Variants in IAH1 observed in about 807,000 individuals in gnomAD.
The protein encoded by IAH1 is isoamyl acetate-hydrolyzing esterase 1 homolog.
Under a neutral mutation model 26.7 loss-of-function variants are expected in IAH1, and 24 were observed. The ratio of observed to expected loss-of-function variants is 0.90; its 90% confidence interval spans 0.65 to 1.26. The LOEUF (loss-of-function observed/expected upper bound fraction) is 1.26. Ranked by LOEUF, IAH1 falls within the 50% of genes most tolerant of loss-of-function variation. The probability of loss-of-function intolerance (pLI) is 0.00; values close to 1 mark genes in which losing one functional copy is unlikely to be tolerated. For missense variants in IAH1, 300 were observed against 299.9 expected, an observed-to-expected ratio of 1.00 and a Z score of 0.00; for synonymous variants, 140 against 118.5, an observed-to-expected ratio of 1.18 and a Z score of -1.18.
chr2:9,494,828 TC>T, exon 6 of IAH1: 1 of 1,588,484 alleles, frequency 6.3e-7, no homozygotes, highest in Non-Finnish European at 8.6e-7. Flanking sequence ...TCCTCCTGCC[TC>T]CTCTTTCCTC....
At chr2:9,502,789 G>A in the IAH1 span, among the ~76,000 whole-genome samples, 2 of 144,860 alleles carry the variant, frequency 1.4e-5, no homozygotes, top group Non-Finnish European at 3.0e-5. Flanking sequence ...TGAGGCAGGA[G>A]AATCGCCTGG....
chr2:9,505,555 G>A, the IAH1 span: 13 of 604,904 alleles, frequency 2.1e-5, no homozygotes, highest in Non-Finnish European at 3.8e-5. Flanking sequence ...TCCCTCCATA[G>A]AATGCTAAAT....
At chr2:9,507,480 C>T in the IAH1 span, among the ~76,000 whole-genome samples, 78,688 of 151,734 alleles carry the variant, frequency 0.52, 21,299 homozygotes, top group Middle Eastern at 0.67. Context: ...CCAGCCTGGG[C>T]GACAGAGTGA....
chr2:9,494,120 A>G (rs1324055839), downstream of IAH1, among the ~76,000 whole-genome samples: 1 of 152,186 alleles, frequency 6.6e-6, no homozygotes, highest in African/African-American at 2.4e-5. Flanking sequence ...CTACACATAC[A>G]CAGTGGACAG....
intron 3 of IAH1, 98 bp from the exon 4 acceptor site, chr2:9,481,187 TG>T: frequency 7.9e-7 from 1 of 1,265,264 alleles, no homozygotes; most frequent in Non-Finnish European, 1.1e-6. Flanking sequence ...ATCCCCCCAG[TG>T]ACATCATGAA....
downstream of IAH1, chr2:9,494,691 C>A (rs530963981): frequency 1.1e-5 from 18 of 1,613,914 alleles, no homozygotes; most frequent in African/African-American, 6.7e-5. Context: ...AAAATAAGTT[C>A]TTTTGTTCAG....
At chr2:9,478,183 C>G (rs1466086563) in intron 2 of IAH1, 39 bp from the exon 3 acceptor site, 1 of 1,571,322 alleles carries the variant, frequency 6.4e-7, no homozygotes, top group Non-Finnish European at 8.7e-7. Context: ...ATAAACACTT[C>G]TTGCCCACAA....
rs540085996 is a variant in IAH1, at chr2:9,494,770, G to A, written c.*132G>A. ...CACCTTGCAGGAGTTGTCAGTTTCT[G>A]GAACAGAGAACACGCATTGACAGCT... On this transcript the variant is annotated 3_prime_UTR_variant, in exon 6 of 7. Transcript: ENST00000481367. The A allele has an allele frequency of 1.1e-5, 18 of 1,613,730 alleles. No homozygotes were observed. The East Asian group carries it at 3.8e-4, about 34-fold the overall frequency.
Position 9,488,920 on chromosome 2 carries a change from T to C in IAH1, c.*591T>C, listed in dbSNP as rs1661827021. 1 of 152,204 alleles carries C rather than the reference T, an allele frequency of 6.6e-6. No individual in the cohort carries two copies. Among genetic ancestry groups the C allele is most frequent in the Non-Finnish European group, 1.5e-5 (1 of 68,028 alleles). The allele number at this position is 152,204 out of a possible 1,614,324, so 9.4% of individuals were successfully genotyped here. A position where few individuals can be genotyped will look rare whatever the true frequency, so the allele number is the denominator to read the frequency against. On this transcript the variant is annotated 3_prime_UTR_variant, in exon 6 of 6. Coordinates refer to ENST00000497473, the MANE Select transcript of IAH1 (RefSeq NM_001039613.3). ...TTCAGTTCTTAGGGGAAAAAAAGCTTTTAATGGCAATTTATAGAAATCAGA... is the reference window on the plus strand; with the variant it reads ...TTCAGTTCTTAGGGGAAAAAAAGCTCTTAATGGCAATTTATAGAAATCAGA...
At chr2:9,502,049 ACT>A in the IAH1 span, 23 of 843,852 alleles carry the variant, frequency 2.7e-5, no homozygotes, top group African/African-American at 3.6e-4. Context: ...AGTGCCAGAA[ACT>A]CAACCCGGCA....
chr2:9,484,844 G>C, intron 5 of IAH1: 1 of 300,454 alleles, frequency 3.3e-6, no homozygotes, highest in Non-Finnish European at 6.1e-6. Context: ...CTTTCATACA[G>C]AGAATGGCAG....
chr2:9,496,860 C>G (rs917014644), downstream of IAH1, among the ~76,000 whole-genome samples: 5 of 152,186 alleles, frequency 3.3e-5, no homozygotes, highest in Non-Finnish European at 5.9e-5. Context: ...TCCCTCCTCT[C>G]CCACCTCAAA....
At chr2:9,511,397 C>T in the IAH1 span, among the ~76,000 whole-genome samples, 12 of 151,964 alleles carry the variant, frequency 7.9e-5, no homozygotes, top group Admixed American at 2.0e-4. Flanking sequence ...TTGCAGTGAG[C>T]TGAGATCATG....
chr2:9,477,325 C>T (rs1220418165), intron 2 of IAH1, among the ~76,000 whole-genome samples: 1 of 151,950 alleles, frequency 6.6e-6, no homozygotes, highest in African/African-American at 2.4e-5. Flanking sequence ...GCAAAATGAA[C>T]CATATTGATT....
intron 4 of IAH1, among the ~76,000 whole-genome samples, chr2:9,482,202 C>A (rs950711753): frequency 6.6e-6 from 1 of 151,830 alleles, no homozygotes; most frequent in Non-Finnish European, 1.5e-5. Flanking sequence ...CTAATTTTTG[C>A]ATTTTTAGTA....
At chr2:9,501,574 C>G in the IAH1 span, among the ~76,000 whole-genome samples, 8 of 152,196 alleles carry the variant, frequency 5.3e-5, no homozygotes, top group Admixed American at 3.3e-4. Context: ...TATAACTAAA[C>G]AATATGTAGG....
the IAH1 span, among the ~76,000 whole-genome samples, chr2:9,504,871 CTTCTT>C: frequency 7.3e-5 from 11 of 151,514 alleles, no homozygotes; most frequent in African/African-American, 1.7e-4. Flanking sequence ...CAGAAAGCTT[CTTCTT>C]TTCTTATTTG....
the IAH1 span, among the ~76,000 whole-genome samples, chr2:9,508,065 G>A: frequency 1.3e-5 from 2 of 152,196 alleles, no homozygotes; most frequent in Admixed American, 1.3e-4. Context: ...AGCAGGAAGA[G>A]TCAGCAGCAT....
chr2:9,504,399 C>G, the IAH1 span, among the ~76,000 whole-genome samples: 6 of 151,820 alleles, frequency 4.0e-5, no homozygotes, highest in Non-Finnish European at 7.4e-5. Context: ...GCGCTGAGAT[C>G]GCGCCACTGC....
Sources: allele counts gnomAD v4.1 joint callset (sites outside exome capture counted in the v4.1 genomes callset), GRCh38; gene constraint gnomAD v4.1.1; transcripts MANE v1.5; gene names NCBI Gene and HGNC (gene_info 2026-07-23, HGNC 2026-07-21).